CDIN1: variants seen among roughly 807,000 people sequenced by gnomAD.
The protein encoded by CDIN1 is CDAN1 interacting nuclease 1, also known as CDAN1-interacting nuclease 1.
In CDIN1, 33 loss-of-function variants were observed where a neutral mutation model predicts 45.3. The ratio of observed to expected loss-of-function variants is 0.73; its 90% CI spans 0.55 to 0.97. The LOEUF (loss-of-function observed/expected upper bound fraction) is 0.97. CDIN1 is among the 50% of genes least tolerant of loss of function. The probability of loss-of-function intolerance (pLI) is 0.00; values close to 1 mark genes in which losing one functional copy is unlikely to be tolerated. For synonymous variants in CDIN1, 118 were observed against 124.4 expected, an observed-to-expected ratio of 0.95 and a Z score of 0.34; for missense variants, 303 against 339.4, an observed-to-expected ratio of 0.89 and a Z score of 0.84.
In CDIN1 at chr15:36,686,677, T is replaced by C. The variant is rs142733334; in HGVS notation, c.347-5008T>C. ...GGTGAATCACTTGAGCCCAGGAGTT[T>C]GAGACCAGCCTGGCAACATAGTGAA... On this transcript the variant is annotated intron_variant, in intron 5 of 10. Coordinates refer to ENST00000566621, the MANE Select transcript of CDIN1 (RefSeq NM_001321759.2). Among the ~76,000 whole-genome samples, 1,054 of 150,698 alleles carry C rather than the reference T, an allele frequency of 7.0e-3. 15 individuals carry two copies. The highest frequency in any genetic ancestry group is 0.024 in the African/African-American group (989 of 40,980).
At chr15:36,672,426 A>T (rs2041485243) in intron 5 of CDIN1, among the ~76,000 whole-genome samples, 1 of 152,094 alleles carries the variant, frequency 6.6e-6, no homozygotes, top group Non-Finnish European at 1.5e-5. Flanking sequence ...CAGGAAAGCC[A>T]AAAACAGACA....
intron 4 of CDIN1, among the ~76,000 whole-genome samples, chr15:36,657,099 A>C (rs1251930170): frequency 6.6e-6 from 1 of 152,174 alleles, no homozygotes. Context: ...ATTAATTAAA[A>C]TGACTGTCGG....
chr15:36,636,572 CAA>C, intron 1 of CDIN1, among the ~76,000 whole-genome samples: 1 of 151,832 alleles, frequency 6.6e-6, no homozygotes, highest in African/African-American at 2.4e-5. Flanking sequence ...ACAAAAAAAA[CAA>C]AAGAACGTAA....
At chr15:36,742,293 T>C (rs900700512) in intron 10 of CDIN1, among the ~76,000 whole-genome samples, 1 of 152,166 alleles carries the variant, frequency 6.6e-6, no homozygotes, top group Non-Finnish European at 1.5e-5. Flanking sequence ...TGGAATAATA[T>C]GTAAAATGAG....
At chr15:36,713,356 A>T (rs2043120639) in intron 10 of CDIN1, among the ~76,000 whole-genome samples, 1 of 152,142 alleles carries the variant, frequency 6.6e-6, no homozygotes, top group African/African-American at 2.4e-5. Context: ...CTCATTAGAG[A>T]CATCTCTTTA....
intron 8 of CDIN1, chr15:36,708,974 G>A (rs1369842139): frequency 3.0e-6 from 1 of 333,312 alleles, no homozygotes; most frequent in Non-Finnish European, 5.4e-6. Flanking sequence ...GTATATGACA[G>A]CTTGAACTCG....
intron 10 of CDIN1, among the ~76,000 whole-genome samples, chr15:36,781,251 T>TA (rs919685318): frequency 1.3e-5 from 2 of 152,104 alleles, no homozygotes; most frequent in African/African-American, 4.8e-5. Flanking sequence ...TTAGACTACT[T>TA]AAAAAAATCA....
intron 10 of CDIN1, 63 bp from the exon 11 acceptor site, chr15:36,808,261 G>T: frequency 5.0e-6 from 8 of 1,588,894 alleles, no homozygotes; most frequent in Non-Finnish European, 6.9e-6. Context: ...GTGCCCCAAG[G>T]TGACTTTTTT....
At chr15:36,690,940 A>G (rs1363137564) in intron 5 of CDIN1, among the ~76,000 whole-genome samples, 5 of 152,146 alleles carry the variant, frequency 3.3e-5, no homozygotes, top group Non-Finnish European at 7.3e-5. Flanking sequence ...GTCACTTGCT[A>G]TAGCACCTTC....
At chr15:36,673,716 T>C (rs1308090790) in intron 5 of CDIN1, among the ~76,000 whole-genome samples, 1 of 151,724 alleles carries the variant, frequency 6.6e-6, no homozygotes, top group East Asian at 1.9e-4. Flanking sequence ...TTTTGGTAGA[T>C]AAAGATGGAA....
In CDIN1 at chr15:36,691,778, C is replaced by T. The variant is rs1240690543; in HGVS notation, c.426+14C>T. 1.3e-6 allele frequency: 2 copies of T among 1,560,554 alleles called. No homozygotes were observed. Among genetic ancestry groups the T allele is most frequent in the African/African-American group, 2.7e-5 (2 of 73,802 alleles). On this transcript the variant is annotated intron_variant, in intron 6 of 10. Coordinates refer to ENST00000566621, the MANE Select transcript of CDIN1 (RefSeq NM_001321759.2). The stretch of plus-strand genomic sequence containing the variant: ...CAGGTCTATCAGGTATTAATCACAG[C>T]TGTCTATTTTCAGTGGCAATGCTGT...
chr15:36,594,899 C>G, intron 1 of CDIN1: 3 of 985,454 alleles, frequency 3.0e-6, no homozygotes, highest in Non-Finnish European at 3.6e-6. Flanking sequence ...CCTCAAAGCT[C>G]AGCTTTCTGT....
intron 1 of CDIN1, among the ~76,000 whole-genome samples, chr15:36,604,874 CAT>C (rs1319912936): frequency 6.6e-6 from 1 of 152,054 alleles, no homozygotes; most frequent in Non-Finnish European, 1.5e-5. Context: ...TATGTGGTCA[CAT>C]ATATCAGCTG....
intron 1 of CDIN1, among the ~76,000 whole-genome samples, chr15:36,620,323 C>T (rs982059713): frequency 7.9e-5 from 12 of 151,924 alleles, no homozygotes; most frequent in Non-Finnish European, 1.5e-4. Context: ...CGCACTCCAG[C>T]CTGGGCGACA....
intron 10 of CDIN1, among the ~76,000 whole-genome samples, chr15:36,722,980 T>C (rs2043484916): frequency 7.4e-6 from 1 of 135,956 alleles, no homozygotes; most frequent in South Asian, 2.2e-4. Flanking sequence ...TGTGTGTGTG[T>C]GTGTGTTTCT....
chr15:36,778,565 A>G lies in CDIN1; in HGVS notation c.717-29759A>G, dbSNP rs140996011. On this transcript the variant is annotated intron_variant, in intron 10 of 10. Coordinates refer to ENST00000566621, the MANE Select transcript of CDIN1 (RefSeq NM_001321759.2). ...TTGAAATGTTTCTTAGAATTAATCAATAACACCTTGAGGTTTTCCAGTTTA... is the reference window on the plus strand; with the variant it reads ...TTGAAATGTTTCTTAGAATTAATCAGTAACACCTTGAGGTTTTCCAGTTTA... Among the ~76,000 whole-genome samples the G allele has an allele frequency of 1.4e-3, 218 of 152,334 alleles. 1 individual carries two copies. Among genetic ancestry groups the G allele is most frequent in the African/African-American group, 4.6e-3 (191 of 41,586 alleles).
Position 36,808,791 on chromosome 15 carries a change from AG to A in CDIN1, c.*340del. The A allele has an allele frequency of 2.2e-6, 1 of 461,764 alleles. No homozygotes were observed. Among genetic ancestry groups the A allele is most frequent in the South Asian group, 1.6e-5 (1 of 63,166 alleles). 28.6% of individuals were successfully genotyped at this position (461,764 alleles called of 1,614,324 possible). ...CAAAAGAAAAAATGTGAAGACTGAA[AG>A]GTGTGATTTTTCAATTCTCCTCCCA... On this transcript the variant is annotated 3_prime_UTR_variant, in exon 11 of 11. Coordinates refer to ENST00000566621, the MANE Select transcript of CDIN1 (RefSeq NM_001321759.2).
chr15:36,644,337 T>G lies in CDIN1; in HGVS notation c.147+14T>G. 6.2e-7 allele frequency: 1 copy of G among 1,612,078 alleles called. No individual in the cohort carries two copies. The highest frequency in any genetic ancestry group is 8.5e-7 in the Non-Finnish European group (1 of 1,178,842). On this transcript the variant is annotated intron_variant, in intron 2 of 10. Transcript: ENST00000566621. ...CAGGAGTACCAGGTTAGAAGTTTTC[T>G]CCTTTGTGAGGGTTGACAGGTGCCT...
intron 1 of CDIN1, among the ~76,000 whole-genome samples, chr15:36,606,743 A>G (rs2038396728): frequency 6.6e-6 from 1 of 152,180 alleles, no homozygotes; most frequent in Admixed American, 6.5e-5. Context: ...GTTAAATTAA[A>G]ATCCTCTGTT....
Sources: allele counts gnomAD v4.1 joint callset (sites outside exome capture counted in the v4.1 genomes callset), GRCh38; gene constraint gnomAD v4.1.1; transcripts MANE v1.5; gene names NCBI Gene and HGNC (gene_info 2026-07-23, HGNC 2026-07-21).